Variants in DCDC1 observed in about 807,000 individuals in gnomAD.
DCDC1 encodes doublecortin domain containing 1, also known as doublecortin domain-containing protein 1.
DCDC1 carries 200 observed loss-of-function variants against 178.3 expected under a neutral mutation model. The ratio of observed to expected loss-of-function variants is 1.12; its 90% CI spans 1.00 to 1.26. The LOEUF (loss-of-function observed/expected upper bound fraction) is 1.26. Ranked by LOEUF, DCDC1 falls within the 50% of genes most tolerant of loss-of-function variation. DCDC1 has a pLI of 0.00. For missense variants in DCDC1, 1,983 were observed against 1,749.2 expected, an observed-to-expected ratio of 1.13 and a Z score of -2.38; for synonymous variants, 690 against 604.8, an observed-to-expected ratio of 1.14 and a Z score of -2.07.
At position 30,908,926 on chromosome 11, in the gene DCDC1, G is replaced by C; in HGVS notation, c.3918+20C>G. On this transcript the variant is annotated intron_variant, in intron 29 of 38. Transcript: ENST00000684477. The stretch of plus-strand genomic sequence containing the variant: ...TTTACCCTATTTTTCTTTTATCTTT[G>C]AGAGGAAGGAACCACTTACTGGTTG... 6.4e-7 allele frequency: 1 copy of C among 1,555,254 alleles called. No homozygotes were observed. The highest frequency in any genetic ancestry group is 1.3e-5 in the South Asian group (1 of 79,926).
chr11:31,249,531 G>A (rs1186714917), intron 8 of DCDC1, among the ~76,000 whole-genome samples: 3 of 152,130 alleles, frequency 2.0e-5, no homozygotes, highest in Admixed American at 2.0e-4. Flanking sequence ...AGAAGACCCT[G>A]AGGACCATGT....
chr11:31,351,869 A>C (rs1951093423), intron 1 of DCDC1, among the ~76,000 whole-genome samples: 1 of 152,074 alleles, frequency 6.6e-6, no homozygotes, highest in African/African-American at 2.4e-5. Flanking sequence ...CCACTCCCCT[A>C]ATTTAAATAT....
At chr11:30,923,742 G>A (rs879299466) in intron 23 of DCDC1, among the ~76,000 whole-genome samples, 43 of 151,804 alleles carry the variant, frequency 2.8e-4, no homozygotes, top group Non-Finnish European at 4.4e-4. Context: ...TCAGCCTCCT[G>A]AGTAGCTGGG....
intron 1 of DCDC1, among the ~76,000 whole-genome samples, chr11:31,337,602 C>T (rs1950336119): frequency 6.6e-6 from 1 of 152,134 alleles, no homozygotes; most frequent in African/African-American, 2.4e-5. Context: ...GAGATTGAGG[C>T]TGCAGTGAGC....
At chr11:30,960,281 G>C (rs1455305878) in intron 20 of DCDC1, among the ~76,000 whole-genome samples, 1 of 152,028 alleles carries the variant, frequency 6.6e-6, no homozygotes, top group Non-Finnish European at 1.5e-5. Context: ...TGGTTGCAGT[G>C]CCTATATAAC....
At chr11:31,133,043 T>C (rs999821395) in intron 10 of DCDC1, among the ~76,000 whole-genome samples, 4 of 152,266 alleles carry the variant, frequency 2.6e-5, no homozygotes, top group African/African-American at 9.6e-5. Context: ...ATTCTCAAGA[T>C]GATTTATAGT....
At chr11:31,226,898 G>A (rs1975040377) in intron 9 of DCDC1, among the ~76,000 whole-genome samples, 1 of 151,582 alleles carries the variant, frequency 6.6e-6, no homozygotes, top group Non-Finnish European at 1.5e-5. Flanking sequence ...TGTTTATATA[G>A]GAATACAAGA....
chr11:31,353,858 GTGTAAATAGAAATGTCTA>G (rs1951194286), intron 1 of DCDC1, among the ~76,000 whole-genome samples: 1 of 152,142 alleles, frequency 6.6e-6, no homozygotes, highest in Non-Finnish European at 1.5e-5. Flanking sequence ...ACAGAGCCTA[GTGTAAATAGAAATGTCTA>G]TGACTGAGGG....
At chr11:31,142,494 G>A (rs1591194732) in intron 9 of DCDC1, among the ~76,000 whole-genome samples, 2 of 151,912 alleles carry the variant, frequency 1.3e-5, no homozygotes, top group East Asian at 1.9e-4. Flanking sequence ...GTGTATGTGT[G>A]TGTGTGTGTG....
At chr11:31,202,916 G>A (rs1971462344) in intron 9 of DCDC1, among the ~76,000 whole-genome samples, 1 of 152,196 alleles carries the variant, frequency 6.6e-6, no homozygotes, top group Non-Finnish European at 1.5e-5. Flanking sequence ...CTGAGGGGAT[G>A]GATGGAGGGT....
chr11:31,023,582 T>C (rs111355139), intron 20 of DCDC1, among the ~76,000 whole-genome samples: 19 of 151,998 alleles, frequency 1.3e-4, no homozygotes, highest in African/African-American at 4.3e-4. Context: ...TAGAAACATA[T>C]AATTACATAC....
At chr11:30,900,058 T>C (rs879768413) in intron 33 of DCDC1, among the ~76,000 whole-genome samples, 11 of 152,148 alleles carry the variant, frequency 7.2e-5, no homozygotes, top group Non-Finnish European at 1.6e-4. Flanking sequence ...TTTTCTAATG[T>C]ATACCATTAT....
intron 9 of DCDC1, among the ~76,000 whole-genome samples, chr11:31,159,467 C>G (rs1165101064): frequency 2.0e-5 from 3 of 152,066 alleles, no homozygotes; most frequent in Admixed American, 1.3e-4. Context: ...GTTCCTAGCT[C>G]AATACTACTA....
chr11:31,134,387 C>G (rs369824388), intron 10 of DCDC1, among the ~76,000 whole-genome samples: 1 of 152,180 alleles, frequency 6.6e-6, no homozygotes, highest in Non-Finnish European at 1.5e-5. Flanking sequence ...GCAGGTCTAT[C>G]CCTGAGAGTC....
intron 9 of DCDC1, among the ~76,000 whole-genome samples, chr11:31,201,274 T>C (rs1455117993): frequency 2.0e-5 from 3 of 151,874 alleles, no homozygotes; most frequent in African/African-American, 7.2e-5. Context: ...ATATGTAATA[T>C]ATTTAATATC....
intron 18 of DCDC1, among the ~76,000 whole-genome samples, chr11:31,068,855 AT>A (rs201114514): frequency 0.038 from 5,445 of 144,892 alleles, 266 homozygotes; most frequent in African/African-American, 0.12. Flanking sequence ...TCATTAATGT[AT>A]TTTTTTTTTT....
chr11:30,878,522 G>A (rs1172332424), intron 38 of DCDC1, 22 bp downstream of exon 38: 1 of 1,469,572 alleles, frequency 6.8e-7, no homozygotes, highest in Non-Finnish European at 9.1e-7. Flanking sequence ...TAACAAACAT[G>A]AGTATGTGCA....
intron 20 of DCDC1, among the ~76,000 whole-genome samples, chr11:31,043,844 T>C (rs1448947672): frequency 1.3e-5 from 2 of 151,322 alleles, no homozygotes; most frequent in Non-Finnish European, 2.9e-5. Context: ...TTGTACCTTA[T>C]AAGTGCTATA....
intron 15 of DCDC1, among the ~76,000 whole-genome samples, chr11:31,099,967 T>C (rs1448001458): frequency 6.6e-6 from 1 of 152,136 alleles, no homozygotes; most frequent in African/African-American, 2.4e-5. Flanking sequence ...TCCGCCTGCC[T>C]TGGCCTCCCA....
Sources: gnomAD v4.1 joint callset for allele counts (sites outside exome capture counted in the v4.1 genomes callset) on GRCh38, gnomAD v4.1.1 for gene constraint, MANE v1.5 for transcripts, NCBI Gene and HGNC (gene_info 2026-07-23, HGNC 2026-07-21) for gene names.